TCF12: variants seen among roughly 807,000 people sequenced by gnomAD.
TCF12 encodes DNA-binding protein HTF4.
TCF12 carries 45 observed loss-of-function variants against 86.0 expected under a neutral mutation model. The observed-to-expected ratio is 0.52, with a 90% CI of 0.41 to 0.67. The LOEUF (loss-of-function observed/expected upper bound fraction) is 0.67, where lower values mean the gene tolerates loss of function less well. TCF12 is among the 30% of genes least tolerant of loss of function. The pLI is 0.00. For missense variants in TCF12, 881 were observed against 859.9 expected (o/e 1.02, Z -0.31); for synonymous variants, 330 against 299.6 (o/e 1.10, Z -1.05).
intron 3 of TCF12, among the ~76,000 whole-genome samples, chr15:57,021,379 G>A (rs545917126): frequency 7.9e-5 from 12 of 152,312 alleles, no homozygotes; most frequent in South Asian, 2.1e-4. Flanking sequence ...GGCATCGGGC[G>A]CGGTGGCTCA....
rs752472780 is a variant in TCF12 at position 56,919,887 on chromosome 15, C to T, written c.-22-5C>T. On this transcript the variant is annotated splice_polypyrimidine_tract_variant and splice_region_variant and intron_variant, in intron 1 of 20. Transcript: ENST00000333725. ...CTCTCGCTGAGCCCGTTTCCTCTGC[C>T]CTAGGACCTGCTAGAAGTGGCCGAA... 4.0e-5 allele frequency: 64 copies of T among 1,613,536 alleles called. 1 individual carries two copies. In the East Asian group the frequency reaches 1.2e-3, roughly 30 times the overall value.
intron 3 of TCF12, among the ~76,000 whole-genome samples, chr15:56,957,527 A>G (rs1390670874): frequency 6.6e-6 from 1 of 151,686 alleles, no homozygotes; most frequent in Non-Finnish European, 1.5e-5. Context: ...TTTTCATCTC[A>G]TACATTATGG....
chr15:57,086,690 C>G (rs2048653705), intron 4 of TCF12, among the ~76,000 whole-genome samples: 1 of 127,646 alleles, frequency 7.8e-6, no homozygotes, highest in Non-Finnish European at 1.6e-5. Flanking sequence ...TTCAAAGAGC[C>G]TCTTTCCCTC....
At chr15:57,053,548 A>T (rs373764283) in intron 3 of TCF12, among the ~76,000 whole-genome samples, 12 of 151,126 alleles carry the variant, frequency 7.9e-5, no homozygotes, top group Admixed American at 7.2e-4. Context: ...GACCAGTGTC[A>T]TGAAGGTGAG....
intron 5 of TCF12, among the ~76,000 whole-genome samples, chr15:57,122,414 C>A (rs1338625541): frequency 6.6e-6 from 1 of 152,148 alleles, no homozygotes; most frequent in East Asian, 1.9e-4. Context: ...ACAGTTTGTT[C>A]AGCACATACC....
intron 5 of TCF12, among the ~76,000 whole-genome samples, chr15:57,159,338 G>A (rs983235989): frequency 6.6e-6 from 1 of 152,142 alleles, no homozygotes; most frequent in Non-Finnish European, 1.5e-5. Flanking sequence ...TTGTAAGTTA[G>A]CATTTTGTGT....
intron 3 of TCF12, among the ~76,000 whole-genome samples, chr15:56,987,599 C>G (rs1353186631): frequency 6.6e-6 from 1 of 152,136 alleles, no homozygotes; most frequent in African/African-American, 2.4e-5. Flanking sequence ...ATGGAATCTT[C>G]ACTGCTTTAC....
intron 8 of TCF12, among the ~76,000 whole-genome samples, chr15:57,203,686 T>G (rs1450374696): frequency 2.0e-5 from 3 of 152,206 alleles, no homozygotes; most frequent in African/African-American, 7.2e-5. Context: ...TGTATGTATA[T>G]ATTCCCACAA....
chr15:57,096,673 G>GA (rs1415178106), intron 5 of TCF12, among the ~76,000 whole-genome samples: 2 of 152,080 alleles, frequency 1.3e-5, no homozygotes, highest in African/African-American at 4.8e-5. Flanking sequence ...TAATGACAAG[G>GA]AAAAAAATGT....
intron 3 of TCF12, among the ~76,000 whole-genome samples, chr15:57,004,705 G>A (rs569037734): frequency 1.3e-5 from 2 of 151,996 alleles, no homozygotes; most frequent in African/African-American, 2.4e-5. Context: ...CACCGCGACC[G>A]ACCCTATGCC....
At chr15:57,083,942 CTGT>C (rs1162843194) in intron 4 of TCF12, among the ~76,000 whole-genome samples, 4 of 151,984 alleles carry the variant, frequency 2.6e-5, no homozygotes, top group Non-Finnish European at 5.9e-5. Flanking sequence ...TTTTTCCGGC[CTGT>C]TGTTATAAAA....
intron 3 of TCF12, among the ~76,000 whole-genome samples, chr15:57,015,100 C>T (rs2065075592): frequency 6.6e-6 from 1 of 151,774 alleles, no homozygotes; most frequent in African/African-American, 2.4e-5. Flanking sequence ...ACTAGCCTGG[C>T]CAACATGGCG....
At chr15:56,947,516 T>G (rs549429667) in intron 3 of TCF12, among the ~76,000 whole-genome samples, 46 of 152,324 alleles carry the variant, frequency 3.0e-4, no homozygotes, top group South Asian at 8.3e-4. Flanking sequence ...ATCTACAAAT[T>G]GTTTCCAGAT....
chr15:56,973,474 TAAG>T (rs1455624643), intron 3 of TCF12, among the ~76,000 whole-genome samples: 1 of 152,042 alleles, frequency 6.6e-6, no homozygotes, highest in African/African-American at 2.4e-5. Context: ...ATTAATAAAA[TAAG>T]AATCTATGAG....
intron 5 of TCF12, among the ~76,000 whole-genome samples, chr15:57,136,970 GTTTTTT>G (rs1402740121): frequency 4.9e-5 from 2 of 40,830 alleles, no homozygotes; most frequent in African/African-American, 1.7e-4. Flanking sequence ...TTTTTTTTTT[GTTTTTT>G]TTTTTTTTTT....
chr15:57,021,121 A>G (rs1204522407), intron 3 of TCF12, among the ~76,000 whole-genome samples: 2 of 152,282 alleles, frequency 1.3e-5, no homozygotes, highest in East Asian at 3.9e-4. Flanking sequence ...AAAATTATGA[A>G]CACGCTTACA....
rs1199504000 is a variant in TCF12 at position 57,107,205 on chromosome 15, CAG to C, written c.325+15319_325+15320del. On this transcript the variant is annotated intron_variant, in intron 5 of 20. Coordinates refer to ENST00000333725, the MANE Select transcript of TCF12 (RefSeq NM_207037.2). ...GTGAATGGATAAATCATGGTACATT[CAG>C]AGAGTGAAATATTATTCAGTGCTAA... is the stretch of plus-strand genomic sequence containing the variant. Among the ~76,000 whole-genome samples the C allele has an allele frequency of 1.2e-4, 18 of 152,172 alleles. No individual in the cohort carries two copies. The East Asian group carries it at 2.3e-3, about 20-fold the overall frequency.
chr15:57,238,636 T>C (rs1207644610), intron 12 of TCF12, among the ~76,000 whole-genome samples: 1 of 152,232 alleles, frequency 6.6e-6, no homozygotes, highest in Non-Finnish European at 1.5e-5. Flanking sequence ...TACCATTTAT[T>C]GAGTCCTGCT....
intron 8 of TCF12, among the ~76,000 whole-genome samples, chr15:57,213,794 T>A (rs1303221859): frequency 6.6e-6 from 1 of 152,188 alleles, no homozygotes; most frequent in South Asian, 2.1e-4. Context: ...GCTTTACAGA[T>A]GATTTTGAAT....
Sources: gnomAD v4.1 joint callset for allele counts (sites outside exome capture counted in the v4.1 genomes callset) on GRCh38, gnomAD v4.1.1 for gene constraint, MANE v1.5 for transcripts, NCBI Gene and HGNC (gene_info 2026-07-23, HGNC 2026-07-21) for gene names.